Variants in SYTL2 observed in about 807,000 individuals in gnomAD.
SYTL2 encodes the protein synaptotagmin like 2.
In SYTL2, 165 loss-of-function variants were observed where a neutral mutation model predicts 198.7. That is an observed-to-expected ratio of 0.83 (90% confidence interval 0.73 to 0.94). The LOEUF is 0.94. Ranked by LOEUF, SYTL2 falls within the 40% of genes least tolerant of loss-of-function variation. The pLI is 0.00. For missense variants in SYTL2, 2,835 were observed against 2,582.8 expected, an observed-to-expected ratio of 1.10 and a Z score of -2.12; for synonymous variants, 966 against 917.7, an observed-to-expected ratio of 1.05 and a Z score of -0.95.
intron 10 of SYTL2, chr11:85,718,464 T>C: frequency 3.6e-6 from 1 of 280,426 alleles, no homozygotes; most frequent in Non-Finnish European, 6.7e-6. Context: ...CACTCCACTC[T>C]TCCTGCCTTT....
chr11:85,702,722 A>G (rs914105191), intron 16 of SYTL2, among the ~76,000 whole-genome samples: 2 of 152,176 alleles, frequency 1.3e-5, no homozygotes, highest in Non-Finnish European at 2.9e-5. Context: ...ATCCTCCCCA[A>G]TTATTCCTAG....
At chr11:85,798,904 T>A (rs2092843731) in intron 1 of SYTL2, among the ~76,000 whole-genome samples, 1 of 152,186 alleles carries the variant, frequency 6.6e-6, no homozygotes, top group Admixed American at 6.5e-5. Context: ...ACAAACAGTT[T>A]AGGCACAGTG....
At position 85,726,847 on chromosome 11, in the gene SYTL2, T is replaced by C. The variant is rs1258460431; in HGVS notation, c.2511A>G (p.Ser837=). The change falls in exon 8 of 20, where the codon TCA becomes TCG. Residue 837 remains serine, a synonymous_variant. Transcript: ENST00000359152. ...YQPVKKSQGV[S]SMDSLSTDQS... ...GGTCTGTAGATAAACTGTCCATGGA[T>C]GATACACCCTGTGACTTCTTCACAG... 2 of 1,536,462 alleles carry C rather than the reference T, an allele frequency of 1.3e-6. No homozygotes were observed. The highest frequency in any genetic ancestry group is 2.7e-5 in the African/African-American group (2 of 73,052).
intron 1 of SYTL2, among the ~76,000 whole-genome samples, chr11:85,771,900 T>TTATA (rs199727588): frequency 6.8e-6 from 1 of 148,082 alleles, no homozygotes; most frequent in East Asian, 1.9e-4. Context: ...ATAATTATAG[T>TTATA]TATATATATA....
At chr11:85,754,431 T>C (rs1343291839) in intron 2 of SYTL2, among the ~76,000 whole-genome samples, 2 of 152,178 alleles carry the variant, frequency 1.3e-5, no homozygotes, top group African/African-American at 4.8e-5. Context: ...TTTTTGGAGG[T>C]ATAGGTAGAG....
chr11:85,709,332 G>A lies in SYTL2; in HGVS notation c.5914C>T (p.Pro1972Ser). 1 of 1,613,982 alleles carries A rather than the reference G, an allele frequency of 6.2e-7. No homozygotes were observed. The highest frequency in any genetic ancestry group is 8.5e-7 in the Non-Finnish European group (1 of 1,179,948). The change falls in exon 14 of 20, where the codon CCA becomes TCA. Residue 1972 changes from proline (P) to serine (S), a missense_variant and splice_region_variant. Physicochemically the swap from Pro to Ser is moderately conservative, Grantham distance 74. Coordinates refer to ENST00000359152, the MANE Select transcript of SYTL2 (RefSeq NM_206927.4). ...TAGGTGACTCTAAAATGTACTTACG[G>A]GTCTGAACGCTGTTTTTTTACATCC... ...AADVKKQRSD[P>S]YVKAYLLPDK...
chr11:85,820,975 C>A, the SYTL2 span, among the ~76,000 whole-genome samples: 1 of 152,258 alleles, frequency 6.6e-6, no homozygotes, highest in Admixed American at 6.5e-5. Context: ...TATTGAGTGC[C>A]AGGCAGGGTG....
chr11:85,707,236 T>C (rs1243115669), intron 15 of SYTL2, among the ~76,000 whole-genome samples, 193 bp downstream of exon 15: 3 of 152,194 alleles, frequency 2.0e-5, no homozygotes, highest in African/African-American at 7.2e-5. Flanking sequence ...GCAGTTTATA[T>C]ATGGGGAGTG....
chr11:85,725,266 T>G lies in SYTL2; in HGVS notation c.4092A>C (p.Arg1364Ser). The part of the protein sequence containing the change: ...ETVEKVILPP[R>S]PVLNDVSAAL... The stretch of plus-strand genomic sequence containing the variant: ...CAGCACTTACATCATTCAATACAGG[T>G]CTGGGTGGAAGAATGACTTTCTCTA... Residue 1364 changes from arginine (R) to serine (S), a missense_variant, in exon 8 of 20, where the codon AGA becomes AGC. This residue lies in a region of SYTL2 where 2,645 missense variants were observed against 2,381.7 expected (regional missense o/e 1.11). Coordinates refer to ENST00000359152, the MANE Select transcript of SYTL2 (RefSeq NM_206927.4). 6.2e-7 allele frequency: 1 copy of G among 1,614,104 alleles called. No homozygotes were observed. Among genetic ancestry groups the G allele is most frequent in the Non-Finnish European group, 8.5e-7 (1 of 1,179,996 alleles).
intron 1 of SYTL2, among the ~76,000 whole-genome samples, chr11:85,762,591 T>C (rs555628587): frequency 6.9e-4 from 105 of 152,336 alleles, no homozygotes; most frequent in African/African-American, 2.0e-3. Flanking sequence ...CTCCAAGCTC[T>C]TTTCCTTAGG....
chr11:85,848,455 G>C, the SYTL2 span, among the ~76,000 whole-genome samples: 1 of 107,932 alleles, frequency 9.3e-6, no homozygotes, highest in East Asian at 2.0e-4. Flanking sequence ...GATTCATTTT[G>C]AGTTAATTTT....
chr11:85,725,167 G>T lies in SYTL2; in HGVS notation c.4191C>A (p.Asn1397Lys). 6.2e-7 allele frequency: 1 copy of T among 1,614,046 alleles called. No individual in the cohort carries two copies. Among genetic ancestry groups the T allele is most frequent in the Non-Finnish European group, 8.5e-7 (1 of 1,179,976 alleles). ...AGREVGPGEV[N>K]PEFPEAVQPV... ...GCTGTACTGCTTCAGGAAATTCTGG[G>T]TTCACTTCTCCAGGACCTACTTCCC... is the stretch of plus-strand genomic sequence containing the variant. Residue 1397 changes from asparagine to lysine, a missense_variant, in exon 8 of 20, where the codon AAC becomes AAA. Asn to Lys is a moderately conservative substitution (Grantham distance 94). Around this residue, in one of 3 missense-constraint regions of SYTL2, gnomAD observed 2,645 missense variants for 2,381.7 expected, o/e 1.11. Transcript: ENST00000359152.
intron 1 of SYTL2, among the ~76,000 whole-genome samples, chr11:85,776,016 A>C (rs1468763594): frequency 6.6e-6 from 1 of 152,164 alleles, no homozygotes; most frequent in Non-Finnish European, 1.5e-5. Flanking sequence ...GATCCCTCAC[A>C]AATAGATTAA....
chr11:85,802,484 C>A (rs2092904965), intron 1 of SYTL2, among the ~76,000 whole-genome samples: 1 of 152,168 alleles, frequency 6.6e-6, no homozygotes. Context: ...TCTAGCTTAT[C>A]TGTCACCTTC....
intron 2 of SYTL2, among the ~76,000 whole-genome samples, chr11:85,752,252 T>A (rs954744796): frequency 1.3e-5 from 2 of 152,088 alleles, no homozygotes; most frequent in Non-Finnish European, 2.9e-5. Context: ...GGGCAAGATG[T>A]TTAGACTGTG....
chr11:85,713,381 GT>G (rs2086642122), intron 12 of SYTL2, among the ~76,000 whole-genome samples: 1 of 152,188 alleles, frequency 6.6e-6, no homozygotes, highest in Admixed American at 6.5e-5. Context: ...TGTGCTATGT[GT>G]TTTCCCTGCA....
At chr11:85,832,398 C>T in the SYTL2 span, among the ~76,000 whole-genome samples, 1 of 152,160 alleles carries the variant, frequency 6.6e-6, no homozygotes, top group African/African-American at 2.4e-5. Flanking sequence ...ACTATTAATT[C>T]ATTTTTGTAT....
Position 85,705,030 on chromosome 11 carries a change from T to A in SYTL2, c.6019-2A>T. 1 of 1,604,002 alleles carries A rather than the reference T, an allele frequency of 6.2e-7. No homozygotes were observed. The highest frequency in any genetic ancestry group is 8.5e-7 in the Non-Finnish European group (1 of 1,172,374). On this transcript the variant is annotated splice_acceptor_variant, in intron 15 of 19. Transcript: ENST00000359152. LOFTEE classifies it high-confidence loss of function. ...TAAGATTTGTTTTTCAATTTTATAC[T>A]GAAGTTCAAAGAAGAAAATTAAATG...
chr11:85,736,961 C>G (rs991475794), intron 5 of SYTL2, among the ~76,000 whole-genome samples: 1 of 152,144 alleles, frequency 6.6e-6, no homozygotes, highest in Non-Finnish European at 1.5e-5. Flanking sequence ...AGGTCAGAGT[C>G]CCACCAGTGA....
Sources: gnomAD v4.1 joint callset for allele counts (sites outside exome capture counted in the v4.1 genomes callset) on GRCh38, gnomAD v4.1.1 for gene constraint, gnomAD v4.1.1 regional missense constraint, MANE v1.5 for transcripts, NCBI Gene and HGNC (gene_info 2026-07-23, HGNC 2026-07-21) for gene names.